TRAM2: variants seen among roughly 807,000 people sequenced by gnomAD.
The protein encoded by TRAM2 is translocating chain-associated membrane protein 2.
In TRAM2, 12 loss-of-function variants were observed where a neutral mutation model predicts 51.0. That is an observed-to-expected ratio of 0.24 (90% CI 0.15 to 0.38). TRAM2 has a LOEUF of 0.38. TRAM2 is among the 10% of genes least tolerant of loss of function. The pLI is 1.00. For missense variants in TRAM2, 361 were observed against 462.0 expected (o/e 0.78, Z 2.00); for synonymous variants, 175 against 179.4 (o/e 0.98, Z 0.20).
chr6:52,566,015 TCTAA>T (rs1281361562), intron 1 of TRAM2, among the ~76,000 whole-genome samples: 3 of 152,372 alleles, frequency 2.0e-5, no homozygotes, highest in South Asian at 2.1e-4. Context: ...GAAAAGATGT[TCTAA>T]CTGACTGGGT....
At chr6:52,552,807 C>T (rs903669290) in intron 1 of TRAM2, among the ~76,000 whole-genome samples, 2 of 152,308 alleles carry the variant, frequency 1.3e-5, no homozygotes, top group Admixed American at 6.5e-5. Flanking sequence ...GATTAACTCC[C>T]GTTCAACATG....
At chr6:52,516,387 A>G (rs12194847) in intron 3 of TRAM2, 148,668 of 593,856 alleles carry the variant, frequency 0.25, 19,985 homozygotes, top group Non-Finnish European at 0.29. Flanking sequence ...CAGACCCATA[A>G]GGACACCATC....
rs1455358926 is a variant in TRAM2 at position 52,502,937 on chromosome 6, CAGGACAGGAGTG to C, written c.*248_*259del. 2.0e-6 allele frequency: 1 copy of C among 489,194 alleles called. No individual in the cohort carries two copies. The highest frequency in any genetic ancestry group is 3.6e-6 in the Non-Finnish European group (1 of 275,538). The allele number at this position is 489,194 out of a possible 1,614,324, so 30.3% of individuals were successfully genotyped here. On this transcript the variant is annotated 3_prime_UTR_variant, in exon 11 of 11. Transcript: ENST00000182527. Reference sequence around the variant, plus strand: ...GCCTGGCGTTCCAGAAAAGCCAGCACAGGACAGGAGTGAGGACAGGAGGTGGCCTGAGGGGGA... The same window carrying C: ...GCCTGGCGTTCCAGAAAAGCCAGCACAGGACAGGAGGTGGCCTGAGGGGGA...
chr6:52,568,805 T>C (rs940532625), intron 1 of TRAM2, among the ~76,000 whole-genome samples: 2 of 152,206 alleles, frequency 1.3e-5, no homozygotes, highest in Non-Finnish European at 1.5e-5. Flanking sequence ...TCTACACTTA[T>C]ATAATAAAGA....
chr6:52,526,596 C>T (rs1766786505), intron 2 of TRAM2, among the ~76,000 whole-genome samples: 1 of 152,112 alleles, frequency 6.6e-6, no homozygotes, highest in African/African-American at 2.4e-5. Context: ...ACCATGTTGG[C>T]CAGGCTGGTC....
chr6:52,519,011 GGTTCCAAAGAAATATGAC>G (rs1401524755), intron 2 of TRAM2, among the ~76,000 whole-genome samples: 2 of 152,060 alleles, frequency 1.3e-5, no homozygotes, highest in African/African-American at 4.8e-5. Context: ...CAAATACTAG[GGTTCCAAAGAAATATGAC>G]TATAATCTGA....
At chr6:52,551,164 G>A (rs972793746) in intron 1 of TRAM2, among the ~76,000 whole-genome samples, 1 of 152,130 alleles carries the variant, frequency 6.6e-6, no homozygotes, top group Non-Finnish European at 1.5e-5. Context: ...GGATTTTGAG[G>A]ACACCACTGG....
chr6:52,516,313 A>C (rs919652237), intron 3 of TRAM2, 191 bp from the exon 4 acceptor site: 7 of 610,846 alleles, frequency 1.1e-5, no homozygotes, highest in Non-Finnish European at 1.7e-5. Context: ...ATTTTGAGAA[A>C]GTGGCAAGAT....
chr6:52,541,864 G>C (rs984392199), intron 1 of TRAM2, among the ~76,000 whole-genome samples: 12 of 149,366 alleles, frequency 8.0e-5, no homozygotes, highest in African/African-American at 3.0e-4. Context: ...TGTGTGGGCA[G>C]ACCAGCCCCC....
At chr6:52,538,239 A>T (rs1767008452) in intron 1 of TRAM2, among the ~76,000 whole-genome samples, 1 of 152,236 alleles carries the variant, frequency 6.6e-6, no homozygotes, top group Non-Finnish European at 1.5e-5. Flanking sequence ...ACTTGATTTC[A>T]TTCAAGAAAT....
intron 10 of TRAM2, among the ~76,000 whole-genome samples, chr6:52,503,872 C>T (rs1344399482): frequency 6.6e-6 from 1 of 152,218 alleles, no homozygotes; most frequent in Non-Finnish European, 1.5e-5. Flanking sequence ...CCATACCTCC[C>T]CCGCCAGCCA....
intron 2 of TRAM2, among the ~76,000 whole-genome samples, chr6:52,518,759 T>C (rs1462488516): frequency 6.6e-6 from 1 of 152,208 alleles, no homozygotes; most frequent in African/African-American, 2.4e-5. Flanking sequence ...CTCTACCACA[T>C]GTGACGCCAG....
At chr6:52,562,604 G>A (rs1767519494) in intron 1 of TRAM2, among the ~76,000 whole-genome samples, 1 of 152,156 alleles carries the variant, frequency 6.6e-6, no homozygotes, top group African/African-American at 2.4e-5. Context: ...TACATGTGCA[G>A]AACGTGCAGT....
chr6:52,529,615 C>G (rs931994743), intron 2 of TRAM2: 2 of 152,180 alleles, frequency 1.3e-5, no homozygotes, highest in African/African-American at 4.8e-5. Context: ...ACTCCCAGGG[C>G]TTCCTGTCTA....
intron 4 of TRAM2, among the ~76,000 whole-genome samples, chr6:52,513,587 A>T (rs1766490883): frequency 6.6e-6 from 1 of 150,940 alleles, no homozygotes; most frequent in African/African-American, 2.4e-5. Flanking sequence ...GGATGGCAAG[A>T]AGGAGTTGGC....
intron 1 of TRAM2, among the ~76,000 whole-genome samples, chr6:52,564,218 A>G (rs1767552238): frequency 6.6e-6 from 1 of 152,184 alleles, no homozygotes. Flanking sequence ...GGGATGGCTC[A>G]CAGCAAGTGC....
chr6:52,560,879 C>G lies in TRAM2; in HGVS notation c.120+15917G>C, dbSNP rs74719659. Among the ~76,000 whole-genome samples the G allele has an allele frequency of 9.9e-3, 1,501 of 152,296 alleles. 35 individuals carry two copies. The highest frequency in any genetic ancestry group is 0.034 in the African/African-American group (1,406 of 41,556). Reference sequence around the variant, plus strand: ...ATATTAAAATTAATTAATGACCCAGCAATTCCACCCCCAAGGTATATATCC... The same window carrying G: ...ATATTAAAATTAATTAATGACCCAGGAATTCCACCCCCAAGGTATATATCC... On this transcript the variant is annotated intron_variant, in intron 1 of 10. Transcript: ENST00000182527.
chr6:52,567,387 T>G (rs1767606718), intron 1 of TRAM2, among the ~76,000 whole-genome samples: 1 of 152,256 alleles, frequency 6.6e-6, no homozygotes, highest in African/African-American at 2.4e-5. Flanking sequence ...ATATGTTAGC[T>G]GGCTTGAATT....
intron 4 of TRAM2, among the ~76,000 whole-genome samples, chr6:52,512,943 G>A (rs550057064): frequency 1.3e-5 from 2 of 152,252 alleles, no homozygotes; most frequent in South Asian, 4.1e-4. Context: ...TAAAATCTAC[G>A]GTGGATTTTA....
Sources: gnomAD v4.1 joint callset for allele counts (sites outside exome capture counted in the v4.1 genomes callset) on GRCh38, gnomAD v4.1.1 for gene constraint, MANE v1.5 for transcripts, NCBI Gene and HGNC (gene_info 2026-07-23, HGNC 2026-07-21) for gene names.